CARMIL1: variants seen among roughly 807,000 people sequenced by gnomAD.
CARMIL1 encodes capping protein regulator and myosin 1 linker 1, also known as F-actin-uncapping protein LRRC16A.
A neutral mutation model predicts 177.1 loss-of-function variants in CARMIL1; 90 were observed. That is an observed-to-expected ratio of 0.51 (90% CI 0.43 to 0.61). The LOEUF is 0.61. Among genes scored for constraint, CARMIL1 ranks in the 20% least tolerant of loss-of-function variants. The pLI is 0.00. For synonymous variants in CARMIL1, 577 were observed against 606.2 expected, an observed-to-expected ratio of 0.95 and a Z score of 0.71; for missense variants, 1,380 against 1,667.0, an observed-to-expected ratio of 0.83 and a Z score of 3.00.
intron 17 of CARMIL1, among the ~76,000 whole-genome samples, chr6:25,507,686 A>G (rs1805046834): frequency 6.6e-6 from 1 of 152,232 alleles, no homozygotes; most frequent in African/African-American, 2.4e-5. Context: ...ATGATAGAAC[A>G]TAGAAATTTT....
At chr6:25,585,504 A>G (rs1257507762) in intron 31 of CARMIL1, among the ~76,000 whole-genome samples, 1 of 152,046 alleles carries the variant, frequency 6.6e-6, no homozygotes, top group Non-Finnish European at 1.5e-5. Flanking sequence ...GTACAAATAG[A>G]TATTTATGTA....
At chr6:25,451,985 T>TGGGGGGGGGGGGGGGGGGGGGGGGGGG in intron 8 of CARMIL1, 2 of 105,384 alleles carry the variant, frequency 1.9e-5, no homozygotes, top group Non-Finnish European at 1.8e-5. Flanking sequence ...ACTAGCATCT[T>TGGGGGGGGGGGGGGGGGGGGGGGGGGG]GCCCCCCCCT....
chr6:25,576,620 G>A (rs142006755), intron 29 of CARMIL1, among the ~76,000 whole-genome samples: 60 of 152,294 alleles, frequency 3.9e-4, no homozygotes, highest in Non-Finnish European at 7.9e-4. Context: ...TCCATTATAT[G>A]CTTTGGAGCT....
At chr6:25,426,404 G>A in intron 3 of CARMIL1, 97 bp from the exon 4 acceptor site, 1 of 924,422 alleles carries the variant, frequency 1.1e-6, no homozygotes, top group Non-Finnish European at 1.6e-6. Context: ...GCTGTTTCTA[G>A]TTGTAGGATT....
At chr6:25,616,910 A>G (rs1423276229) in intron 36 of CARMIL1, among the ~76,000 whole-genome samples, 1 of 152,170 alleles carries the variant, frequency 6.6e-6, no homozygotes, top group Non-Finnish European at 1.5e-5. Context: ...TGATCTCGCT[A>G]TGCCTTAGTT....
intron 26 of CARMIL1, among the ~76,000 whole-genome samples, chr6:25,544,520 A>C (rs1809236557): frequency 6.6e-6 from 1 of 152,042 alleles, no homozygotes; most frequent in Admixed American, 6.6e-5. Flanking sequence ...ATCTAGAATT[A>C]TATACCCAAT....
chr6:25,542,472 C>T (rs1378342661), intron 26 of CARMIL1, among the ~76,000 whole-genome samples: 1 of 152,162 alleles, frequency 6.6e-6, no homozygotes, highest in Middle Eastern at 3.2e-3. Context: ...TCATCATCGC[C>T]TCCTTATTTG....
chr6:25,611,224 C>A (rs1816483102), intron 36 of CARMIL1, among the ~76,000 whole-genome samples: 1 of 152,208 alleles, frequency 6.6e-6, no homozygotes, highest in African/African-American at 2.4e-5. Flanking sequence ...AGAAGCTTCA[C>A]TCACTTATTT....
intron 2 of CARMIL1, among the ~76,000 whole-genome samples, chr6:25,327,243 G>A (rs74876368): frequency 0.052 from 7,970 of 152,190 alleles, 310 homozygotes; most frequent in Non-Finnish European, 0.088. Flanking sequence ...ATTCACAGGA[G>A]CAAGAGCCAG....
intron 29 of CARMIL1, among the ~76,000 whole-genome samples, chr6:25,566,715 A>G (rs1811586702): frequency 6.6e-6 from 1 of 152,210 alleles, no homozygotes; most frequent in African/African-American, 2.4e-5. Flanking sequence ...GCTAAGTAAA[A>G]TTCATTTCCC....
intron 8 of CARMIL1, among the ~76,000 whole-genome samples, chr6:25,461,883 G>T (rs1052079513): frequency 1.3e-5 from 2 of 151,808 alleles, no homozygotes; most frequent in Non-Finnish European, 2.9e-5. Context: ...TTTTTAAACC[G>T]TGCATCTCTT....
intron 33 of CARMIL1, among the ~76,000 whole-genome samples, chr6:25,602,697 T>C (rs1286721047): frequency 1.3e-5 from 2 of 152,100 alleles, no homozygotes; most frequent in Non-Finnish European, 2.9e-5. Flanking sequence ...CTTTAGAACA[T>C]TTTTTTTCTA....
chr6:25,308,482 A>G (rs1407689918), intron 2 of CARMIL1, among the ~76,000 whole-genome samples: 2 of 151,274 alleles, frequency 1.3e-5, no homozygotes, highest in Admixed American at 6.6e-5. Context: ...CCCAGATTCA[A>G]GTGATTCTCC....
intron 2 of CARMIL1, among the ~76,000 whole-genome samples, chr6:25,364,808 A>G (rs1048131170): frequency 6.6e-6 from 1 of 152,140 alleles, no homozygotes; most frequent in African/African-American, 2.4e-5. Flanking sequence ...CAGGTGATCC[A>G]TCCGCCTCGG....
intron 4 of CARMIL1, among the ~76,000 whole-genome samples, chr6:25,428,386 A>G (rs906380763): frequency 6.6e-6 from 1 of 152,170 alleles, no homozygotes; most frequent in Admixed American, 6.5e-5. Context: ...TCTCCTTGCT[A>G]CTATCTTCAT....
At chr6:25,439,371 A>C (rs560513161) in intron 5 of CARMIL1, among the ~76,000 whole-genome samples, 164 of 152,306 alleles carry the variant, frequency 1.1e-3, no homozygotes, top group African/African-American at 3.8e-3. Flanking sequence ...AGTGCCATTG[A>C]GCACAAGATG....
chr6:25,300,433 A>G lies in CARMIL1; in HGVS notation c.138+15524A>G, dbSNP rs897620908. 2.0e-5 allele frequency among the ~76,000 whole-genome samples: 3 copies of G among 152,256 alleles called. No homozygotes were observed. The South Asian group carries it at 6.2e-4, about 32-fold the overall frequency. Reference sequence around the variant, plus strand: ...TGTAATCCCAGCAGTTTGGAAGGCCAAGGAGGGAGGATCACTTGAGGCCAG... The same window carrying G: ...TGTAATCCCAGCAGTTTGGAAGGCCGAGGAGGGAGGATCACTTGAGGCCAG... On this transcript the variant is annotated intron_variant, in intron 2 of 36. Transcript: ENST00000329474.
intron 27 of CARMIL1, among the ~76,000 whole-genome samples, chr6:25,552,340 T>TAA (rs1420994089): frequency 1.3e-5 from 2 of 152,200 alleles, no homozygotes; most frequent in African/African-American, 4.8e-5. Context: ...CATATTTTGA[T>TAA]AGCTTTGAGT....
intron 21 of CARMIL1, among the ~76,000 whole-genome samples, 155 bp from the exon 22 acceptor site, chr6:25,517,192 G>T (rs1295597420): frequency 1.3e-5 from 2 of 152,186 alleles, no homozygotes; most frequent in Non-Finnish European, 2.9e-5. Context: ...GCTTATCCTT[G>T]TTTTGTTAGA....
Sources: gnomAD v4.1 joint callset for allele counts (sites outside exome capture counted in the v4.1 genomes callset) on GRCh38, gnomAD v4.1.1 for gene constraint, MANE v1.5 for transcripts, NCBI Gene and HGNC (gene_info 2026-07-23, HGNC 2026-07-21) for gene names.